The following ZCWPW2 variants were observed in gnomAD, a reference collection of about 807,000 sequenced individuals.
ZCWPW2 encodes the protein zinc finger CW-type PWWP domain protein 2.
Under a neutral mutation model 46.6 loss-of-function variants are expected in ZCWPW2, and 45 were observed. That is an observed-to-expected ratio of 0.96 (90% CI 0.76 to 1.24). ZCWPW2 has a LOEUF of 1.24. Ranked by LOEUF, ZCWPW2 falls within the 50% of genes most tolerant of loss-of-function variation. The pLI, the probability that ZCWPW2 is intolerant of heterozygous loss-of-function variation, is 0.00. For missense variants in ZCWPW2, 429 were observed against 403.9 expected, an observed-to-expected ratio of 1.06 and a Z score of -0.53; for synonymous variants, 152 against 137.1, an observed-to-expected ratio of 1.11 and a Z score of -0.76.
chr3:28,449,652 C>T (rs1698146973), intron 4 of ZCWPW2, among the ~76,000 whole-genome samples: 1 of 152,070 alleles, frequency 6.6e-6, no homozygotes, highest in South Asian at 2.1e-4. Context: ...AAACTGTACA[C>T]TTAAAATAGT....
At chr3:28,496,688 A>C (rs1002594555) in intron 6 of ZCWPW2, among the ~76,000 whole-genome samples, 1 of 151,954 alleles carries the variant, frequency 6.6e-6, no homozygotes, top group African/African-American at 2.4e-5. Context: ...AATATTATAG[A>C]TGTATAAAAG....
intron 3 of ZCWPW2, among the ~76,000 whole-genome samples, chr3:28,430,481 G>C (rs558987983): frequency 4.6e-5 from 7 of 152,332 alleles, no homozygotes; most frequent in African/African-American, 1.4e-4. Flanking sequence ...CCTTGTCTCA[G>C]ATGAGACTTT....
At chr3:28,410,100 A>C (rs1320432969) in intron 2 of ZCWPW2, among the ~76,000 whole-genome samples, 2 of 152,140 alleles carry the variant, frequency 1.3e-5, no homozygotes, top group Non-Finnish European at 2.9e-5. Flanking sequence ...TTAAACTAGT[A>C]GATTGGCAAA....
chr3:28,470,492 TAAAA>T (rs751954217), intron 4 of ZCWPW2, among the ~76,000 whole-genome samples: 16 of 87,660 alleles, frequency 1.8e-4, no homozygotes, highest in Non-Finnish European at 3.2e-4. Context: ...GACTCCGTCT[TAAAA>T]AAAAAAAAAA....
intron 1 of ZCWPW2, among the ~76,000 whole-genome samples, chr3:28,355,388 T>A (rs1327716648): frequency 1.3e-5 from 2 of 152,230 alleles, no homozygotes; most frequent in African/African-American, 4.8e-5. Context: ...TGCTCATGGA[T>A]AGGAAGAATC....
intron 3 of ZCWPW2, among the ~76,000 whole-genome samples, 173 bp from the exon 4 acceptor site, chr3:28,434,937 A>G (rs1475958088): frequency 6.6e-6 from 1 of 152,194 alleles, no homozygotes; most frequent in Admixed American, 6.5e-5. Context: ...ATAAAATACA[A>G]TTTATTACTT....
At chr3:28,489,668 G>GCGCACA (rs1453787375) in intron 5 of ZCWPW2, among the ~76,000 whole-genome samples, 4 of 39,522 alleles carry the variant, frequency 1.0e-4, no homozygotes, top group African/African-American at 2.0e-4. Context: ...ACACACGCGC[G>GCGCACA]CACACACACA....
At chr3:28,455,883 G>A (rs531856051) in intron 4 of ZCWPW2, among the ~76,000 whole-genome samples, 1 of 152,234 alleles carries the variant, frequency 6.6e-6, no homozygotes, top group South Asian at 2.1e-4. Flanking sequence ...TTTGGTTACT[G>A]TAGCCCTGTA....
Position 28,524,785 on chromosome 3 carries a change from A to C in ZCWPW2, c.*97A>C. The C allele has an allele frequency of 9.6e-7, 1 of 1,041,596 alleles. No individual in the cohort carries two copies. Among genetic ancestry groups the C allele is most frequent in the South Asian group, 2.9e-5 (1 of 34,742 alleles). The allele number at this position is 1,041,596 out of a possible 1,614,324, so 64.5% of individuals were successfully genotyped here. A position where few individuals can be genotyped will look rare whatever the true frequency, so the allele number is the denominator to read the frequency against. Reference sequence around the variant, plus strand: ...AAAATGTTTAGTGAAATAGGTATAAATTATACCAAAGTTTATATTTGCGGT... The same window carrying C: ...AAAATGTTTAGTGAAATAGGTATAACTTATACCAAAGTTTATATTTGCGGT... On this transcript the variant is annotated 3_prime_UTR_variant, in exon 10 of 10. Coordinates refer to ENST00000383768, the MANE Select transcript of ZCWPW2 (RefSeq NM_001040432.4).
At chr3:28,408,706 A>G (rs1696266418) in intron 2 of ZCWPW2, among the ~76,000 whole-genome samples, 3 of 152,196 alleles carry the variant, frequency 2.0e-5, no homozygotes, top group African/African-American at 7.2e-5. Flanking sequence ...CATATTAAGT[A>G]TTAGTAAAGC....
intron 6 of ZCWPW2, among the ~76,000 whole-genome samples, chr3:28,505,191 A>C (rs1258456362): frequency 6.6e-6 from 1 of 152,082 alleles, no homozygotes; most frequent in Non-Finnish European, 1.5e-5. Flanking sequence ...TACACACTCC[A>C]GTGTTCTCTT....
chr3:28,353,885 G>A (rs1340642964), intron 1 of ZCWPW2, among the ~76,000 whole-genome samples: 6 of 152,162 alleles, frequency 3.9e-5, no homozygotes, highest in African/African-American at 1.4e-4. Context: ...AAGACTCAGT[G>A]GAGGGAATCC....
chr3:28,392,542 C>G (rs1245664229), intron 2 of ZCWPW2, among the ~76,000 whole-genome samples: 1 of 152,086 alleles, frequency 6.6e-6, no homozygotes, highest in Non-Finnish European at 1.5e-5. Flanking sequence ...ACAGAACATT[C>G]TCTAGAGTAG....
intron 2 of ZCWPW2, among the ~76,000 whole-genome samples, chr3:28,411,240 A>G (rs1220239611): frequency 6.6e-6 from 1 of 151,952 alleles, no homozygotes; most frequent in Admixed American, 6.6e-5. Flanking sequence ...CATGAATACA[A>G]TGTGTACCCA....
intron 1 of ZCWPW2, among the ~76,000 whole-genome samples, chr3:28,358,221 G>A (rs1704813197): frequency 6.6e-6 from 1 of 152,010 alleles, no homozygotes; most frequent in South Asian, 2.1e-4. Context: ...TTTAAAAACT[G>A]TAAATGTTAT....
At chr3:28,397,559 A>G (rs953728426) in intron 2 of ZCWPW2, among the ~76,000 whole-genome samples, 1 of 151,934 alleles carries the variant, frequency 6.6e-6, no homozygotes, top group Non-Finnish European at 1.5e-5. Context: ...AGTCTCAGCT[A>G]CTTGGGAGGC....
chr3:28,381,403 A>G (rs1276937886), intron 1 of ZCWPW2, among the ~76,000 whole-genome samples: 1 of 152,124 alleles, frequency 6.6e-6, no homozygotes, highest in Non-Finnish European at 1.5e-5. Context: ...TTTACTATTT[A>G]TTAAGTGGAA....
At chr3:28,427,284 G>A (rs1436066891) in intron 3 of ZCWPW2, among the ~76,000 whole-genome samples, 1 of 152,182 alleles carries the variant, frequency 6.6e-6, no homozygotes, top group African/African-American at 2.4e-5. Context: ...CTCAGAATGA[G>A]GTCAGTGTAA....
intron 1 of ZCWPW2, among the ~76,000 whole-genome samples, chr3:28,358,743 A>G (rs564076304): frequency 7.2e-5 from 11 of 152,242 alleles, no homozygotes; most frequent in African/African-American, 2.6e-4. Flanking sequence ...TAGACCATCC[A>G]AAACTAAGAA....
Sources: gnomAD v4.1 joint callset for allele counts (sites outside exome capture counted in the v4.1 genomes callset) on GRCh38, gnomAD v4.1.1 for gene constraint, MANE v1.5 for transcripts, NCBI Gene and HGNC (gene_info 2026-07-23, HGNC 2026-07-21) for gene names.